The following LOC730098 variants were observed in gnomAD, a reference collection of about 807,000 sequenced individuals.
At chr9:34,665,999 G>A in the LOC730098 span, 1 of 396,930 alleles carries the variant, frequency 2.5e-6, no homozygotes, top group Non-Finnish European at 4.6e-6. Context: ...GCTGAGAGGG[G>A]TCAGCGCAGC....
chr9:34,664,216 G>A, the LOC730098 span: 2 of 152,294 alleles, frequency 1.3e-5, no homozygotes, highest in South Asian at 4.1e-4. Flanking sequence ...TGGGCTTGTC[G>A]GTCCAGAAGT....
chr9:34,665,527 T>TCC, the LOC730098 span: 1 of 689,522 alleles, frequency 1.5e-6, no homozygotes, highest in Non-Finnish European at 2.6e-6. Context: ...AGGCTCGCCC[T>TCC]GCCCACCCCT....
the LOC730098 span, chr9:34,665,907 C>T: frequency 3.7e-5 from 21 of 565,708 alleles, no homozygotes; most frequent in Non-Finnish European, 6.3e-5. Context: ...GGGGCCAGGG[C>T]GAGAGGTTTG....
At chr9:34,665,782 A>T in the LOC730098 span, 2 of 648,312 alleles carry the variant, frequency 3.1e-6, no homozygotes, top group Admixed American at 2.4e-5. Context: ...TCTGAGGCTG[A>T]TGCCCCCGAG....
At chr9:34,665,422 G>A in the LOC730098 span, 2 of 699,186 alleles carry the variant, frequency 2.9e-6, no homozygotes, top group Non-Finnish European at 5.2e-6. Flanking sequence ...GCGGGGAGGA[G>A]CTGACCCTAC....
chr9:34,665,379 G>A, the LOC730098 span: 1 of 646,792 alleles, frequency 1.5e-6, no homozygotes, highest in African/African-American at 1.8e-5. Flanking sequence ...AGATCCTGCA[G>A]AGAGAGGGCA....
chr9:34,665,595 G>T, the LOC730098 span: 17 of 668,338 alleles, frequency 2.5e-5, no homozygotes, highest in Non-Finnish European at 4.4e-5. Flanking sequence ...CTCCTCCGCA[G>T]AACCCGCCTC....
the LOC730098 span, chr9:34,666,039 C>T: frequency 3.2e-6 from 1 of 315,656 alleles, no homozygotes; most frequent in East Asian, 7.5e-5. Context: ...GGCTCCACCC[C>T]GGAAACGGAC....
the LOC730098 span, chr9:34,665,717 C>T: frequency 1.0e-5 from 7 of 699,992 alleles, no homozygotes; most frequent in African/African-American, 7.0e-5. Flanking sequence ...GATTCCCTAG[C>T]CCCAGGTCCC....
the LOC730098 span, chr9:34,665,502 G>A: frequency 1.4e-6 from 1 of 697,362 alleles, no homozygotes; most frequent in Admixed American, 2.0e-5. Context: ...CTCCCTTCGC[G>A]CCCACGCCCC....
the LOC730098 span, chr9:34,665,939 T>C: frequency 3.8e-6 from 2 of 525,438 alleles, no homozygotes; most frequent in Non-Finnish European, 6.8e-6. Context: ...GCTGGGAGAT[T>C]TGGGGCCCTG....
At chr9:34,665,743 C>T in the LOC730098 span, 1 of 695,562 alleles carries the variant, frequency 1.4e-6, no homozygotes, top group Admixed American at 2.0e-5. Context: ...CCGTCATTCT[C>T]AGGACGAGGC....
At chr9:34,665,682 T>C in the LOC730098 span, 1 of 700,902 alleles carries the variant, frequency 1.4e-6, no homozygotes. Flanking sequence ...GAACGTCTCC[T>C]GGGGAGCGGC....
At chr9:34,665,640 T>C in the LOC730098 span, 1 of 700,998 alleles carries the variant, frequency 1.4e-6, no homozygotes, top group Admixed American at 2.0e-5. Flanking sequence ...CGCCACCTCG[T>C]ATCTCCTCAT....
At chr9:34,665,425 G>T in the LOC730098 span, 1 of 698,352 alleles carries the variant, frequency 1.4e-6, no homozygotes, top group South Asian at 1.5e-5. Flanking sequence ...GGGAGGAGCT[G>T]ACCCTACAGA....
At chr9:34,665,659 T>A in the LOC730098 span, 48 of 699,458 alleles carry the variant, frequency 6.9e-5, no homozygotes, top group Admixed American at 6.0e-4. Flanking sequence ...ATTCCCGACA[T>A]GTCCTGGGCT....
At chr9:34,664,815 G>C in the LOC730098 span, 7 of 407,762 alleles carry the variant, frequency 1.7e-5, no homozygotes, top group Non-Finnish European at 3.0e-5. Flanking sequence ...TCTTCATATA[G>C]GCGACTCACA....
the LOC730098 span, chr9:34,665,413 C>CGGGGA: frequency 8.9e-6 from 4 of 450,628 alleles, no homozygotes; most frequent in Non-Finnish European, 1.8e-5. Flanking sequence ...CGGGGCGGGG[C>CGGGGA]GGGGAGGAGC....
At chr9:34,664,967 G>T in the LOC730098 span, 2 of 558,528 alleles carry the variant, frequency 3.6e-6, no homozygotes, top group Non-Finnish European at 6.3e-6. Context: ...CCCGTGTGGG[G>T]AGGGGCGCTC....
Sources: allele counts gnomAD v4.1 joint callset, GRCh38; gene constraint gnomAD v4.1.1; transcripts MANE v1.5.